Variants in SERPINA10 observed in about 807,000 individuals in gnomAD.
The protein encoded by SERPINA10 is serpin family A member 10.
In SERPINA10, 24 loss-of-function variants were observed where a neutral mutation model predicts 28.0. That is an observed-to-expected ratio of 0.86 (90% CI 0.62 to 1.20). The LOEUF (loss-of-function observed/expected upper bound fraction) is 1.20, where lower values mean the gene tolerates loss of function less well. SERPINA10 is among the 50% of genes most tolerant of loss of function. The probability of loss-of-function intolerance (pLI) is 0.00; values close to 1 mark genes in which losing one functional copy is unlikely to be tolerated. For missense variants in SERPINA10, 521 were observed against 537.7 expected (o/e 0.97, Z 0.31); for synonymous variants, 207 against 203.9 (o/e 1.02, Z -0.13).
Position 94,281,094 on chromosome 14 carries a change from A to G in SERPINA10, c.*2871T>C, listed in dbSNP as rs557062441. On this transcript the variant is annotated 3_prime_UTR_variant, in exon 5 of 5. Coordinates refer to ENST00000261994, the MANE Select transcript of SERPINA10 (RefSeq NM_001100607.3). Reference sequence around the variant, plus strand: ...CCTGTTCTCAGTTGTTACAGCATATATATGTGAGAACGTGTGGTTGAGTGT... The same window carrying G: ...CCTGTTCTCAGTTGTTACAGCATATGTATGTGAGAACGTGTGGTTGAGTGT... 6.6e-6 allele frequency: 1 copy of G among 152,322 alleles called. No homozygotes were observed. The highest frequency in any genetic ancestry group is 1.9e-4 in the East Asian group (1 of 5,182). The allele number at this position is 152,322 out of a possible 1,614,324, so 9.4% of individuals were successfully genotyped here. A position where few individuals can be genotyped will look rare whatever the true frequency, so the allele number is the denominator to read the frequency against.
intron 4 of SERPINA10, 66 bp from the exon 5 acceptor site, chr14:94,284,222 C>T: frequency 4.2e-6 from 6 of 1,413,406 alleles, no homozygotes; most frequent in Non-Finnish European, 5.9e-6. Flanking sequence ...TAAATGAGCC[C>T]CTTGAAATTC....
At position 94,290,541 on chromosome 14, in the gene SERPINA10, A is replaced by C; in HGVS notation, c.53T>G (p.Leu18Arg). The C allele has an allele frequency of 6.2e-7, 1 of 1,613,608 alleles. No homozygotes were observed. Among genetic ancestry groups the C allele is most frequent in the Non-Finnish European group, 8.5e-7 (1 of 1,179,846 alleles). Residue 18 changes from leucine (L) to arginine (R), a missense_variant, in exon 2 of 5, where the codon CTG becomes CGG. Coordinates refer to ENST00000261994, the MANE Select transcript of SERPINA10 (RefSeq NM_001100607.3). ...AGGACTGGGGGCCAAGCCGGGTACC[A>C]GCCACACCTGTGCCAGGAGGACGGA... is the stretch of plus-strand genomic sequence containing the variant. Reference protein sequence around the residue: ...LLSVLLAQVWLVPGLAPSPQS... With the variant: ...LLSVLLAQVWRVPGLAPSPQS...
chr14:94,286,238 G>A lies in SERPINA10; in HGVS notation c.1013C>T (p.Pro338Leu), dbSNP rs779659797. The change falls in exon 4 of 5, where the codon CCG becomes CTG. Residue 338 changes from proline (P) to leucine (L), a missense_variant. Pro to Leu is a moderately conservative substitution (Grantham distance 98, BLOSUM62 -3). Coordinates refer to ENST00000261994, the MANE Select transcript of SERPINA10 (RefSeq NM_001100607.3). Reference sequence around the variant, plus strand: ...ATACTTCTGATCTAGCTTGAACTTCGGAAAGAAAACTTCCATGTTTCTGTG... The same window carrying A: ...ATACTTCTGATCTAGCTTGAACTTCAGAAAGAAAACTTCCATGTTTCTGTG... ...MKTRNMEVFF[P>L]KFKLDQKYEM... 39 of 1,613,792 alleles carry A rather than the reference G, an allele frequency of 2.4e-5. No homozygotes were observed. The highest frequency in any genetic ancestry group is 2.8e-5 in the Non-Finnish European group (33 of 1,180,010).
intron 3 of SERPINA10, 96 bp from the exon 4 acceptor site, chr14:94,286,354 A>G (rs1481573005): frequency 5.2e-6 from 7 of 1,339,854 alleles, no homozygotes; most frequent in Non-Finnish European, 7.4e-6. Flanking sequence ...GATTATTTCC[A>G]TTAATGAGTC....
At chr14:94,285,953 A>C (rs1178713757) in intron 4 of SERPINA10, among the ~76,000 whole-genome samples, 155 bp downstream of exon 4, 1 of 152,198 alleles carries the variant, frequency 6.6e-6, no homozygotes, top group East Asian at 1.9e-4. Flanking sequence ...AAATTCTTAA[A>C]ACATCCAACC....
rs1324518779 is a variant in SERPINA10, at chr14:94,282,295, T to C, written c.*1670A>G. The C allele has an allele frequency of 6.6e-6, 1 of 152,076 alleles. No individual in the cohort carries two copies. Among genetic ancestry groups the C allele is most frequent in the Non-Finnish European group, 1.5e-5 (1 of 67,996 alleles). 9.4% of individuals were successfully genotyped at this position (152,076 alleles called of 1,614,324 possible). A position where few individuals can be genotyped will look rare whatever the true frequency, so the allele number is the denominator to read the frequency against. On this transcript the variant is annotated 3_prime_UTR_variant, in exon 5 of 5. Coordinates refer to ENST00000261994, the MANE Select transcript of SERPINA10 (RefSeq NM_001100607.3). The stretch of plus-strand genomic sequence containing the variant: ...ACATTAGATAGCAGACAGACAGAAA[T>C]CCAATTAGGCATTTAGTTAACATAG...
Position 94,290,563 on chromosome 14 carries a change from C to T in SERPINA10, c.31G>A (p.Val11Ile), listed in dbSNP as rs759069270. 33 of 1,613,494 alleles carry T rather than the reference C, an allele frequency of 2.0e-5. No homozygotes were observed. Among genetic ancestry groups the T allele is most frequent in the East Asian group, 8.9e-5 (4 of 44,874 alleles). Residue 11 changes from valine to isoleucine, a missense_variant, in exon 2 of 5, where the codon GTC becomes ATC. By Grantham distance (29) the Val-to-Ile change is conservative. Transcript: ENST00000261994. ...ACCAGCCACACCTGTGCCAGGAGGA[C>T]GGAGAGCAGGAGACTTGGCACCACC... MKVVPSLLLS[V>I]LLAQVWLVPG...
Position 94,288,497 on chromosome 14 carries a change from A to T in SERPINA10, c.781T>A (p.Tyr261Asn). 1 of 1,614,164 alleles carries T rather than the reference A, an allele frequency of 6.2e-7. No individual in the cohort carries two copies. The highest frequency in any genetic ancestry group is 1.7e-5 in the Admixed American group (1 of 60,024). The change falls in exon 3 of 5, where the codon TAC becomes AAC. Residue 261 changes from tyrosine to asparagine, a missense_variant. Tyr to Asn is a moderately radical substitution (Grantham distance 143). Transcript: ENST00000261994. ...TEVDTFHLDKYKTIKVPMMYG... is the reference protein window; with the variant it reads ...TEVDTFHLDKNKTIKVPMMYG... ...ATCATGGGCACCTTAATGGTCTTGT[A>T]CTTGTCCAGGTGGAAAGTGTCGACT...
At chr14:94,284,525 A>T (rs1894975152) in intron 4 of SERPINA10, among the ~76,000 whole-genome samples, 1 of 152,130 alleles carries the variant, frequency 6.6e-6, no homozygotes, top group African/African-American at 2.4e-5. Flanking sequence ...GGATCCCTTG[A>T]TCCCTGGATC....
intron 1 of SERPINA10, chr14:94,292,763 A>T: frequency 1.4e-6 from 1 of 692,884 alleles, no homozygotes; most frequent in South Asian, 1.5e-5. Context: ...GTGCTCCTGG[A>T]CTAGGACACC....
rs1027078785 is a variant in SERPINA10 at position 94,283,693 on chromosome 14, A to G, written c.*272T>C. On this transcript the variant is annotated 3_prime_UTR_variant, in exon 5 of 5. Transcript: ENST00000261994. Reference sequence around the variant, plus strand: ...TATTGTTAATCTCTTACTGTGCCTAATTTATAAATTAAACTTTATCATAGG... The same window carrying G: ...TATTGTTAATCTCTTACTGTGCCTAGTTTATAAATTAAACTTTATCATAGG... 2.0e-6 allele frequency: 1 copy of G among 499,210 alleles called. No individual in the cohort carries two copies. The allele number at this position is 499,210 out of a possible 1,614,324, so 30.9% of individuals were successfully genotyped here.
At chr14:94,285,124 A>G (rs1894988184) in intron 4 of SERPINA10, among the ~76,000 whole-genome samples, 1 of 152,202 alleles carries the variant, frequency 6.6e-6, no homozygotes, top group Non-Finnish European at 1.5e-5. Flanking sequence ...GCAATTGTAT[A>G]AGAAAATATT....
In SERPINA10 at chr14:94,288,467, C is replaced by T. The variant is rs2232708; in HGVS notation, c.811G>A (p.Gly271Ser). Residue 271 changes from glycine (G) to serine (S), a missense_variant, in exon 3 of 5, where the codon GGT becomes AGT. By Grantham distance (56) the Gly-to-Ser change is moderately conservative. Transcript: ENST00000261994. ...AAGGTGGAGGCAAACTTGCCTGCACCGTACATCATGGGCACCTTAATGGTC... is the reference window on the plus strand; with the variant it reads ...AAGGTGGAGGCAAACTTGCCTGCACTGTACATCATGGGCACCTTAATGGTC... ...YKTIKVPMMYGAGKFASTFDK... is the reference protein window; with the variant it reads ...YKTIKVPMMYSAGKFASTFDK... The T allele has an allele frequency of 0.011, 18,403 of 1,614,006 alleles. 448 individuals are homozygous for T. The highest frequency in any genetic ancestry group is 0.091 in the African/African-American group (6,822 of 74,950).
At position 94,290,675 on chromosome 14, in the gene SERPINA10, A is replaced by T. The variant is rs762032347; in HGVS notation, c.-50-32T>A. 7 of 1,573,898 alleles carry T rather than the reference A, an allele frequency of 4.4e-6. No homozygotes were observed. The South Asian group carries it at 5.8e-5, about 13-fold the overall frequency. On this transcript the variant is annotated intron_variant, in intron 1 of 4. Transcript: ENST00000261994. ...AGAGGAGAGGATAGAGATGGTTTTA[A>T]TGCCTCCTAAAATGTCTTTGTGGAT...
Position 94,289,921 on chromosome 14 carries a change from T to A in SERPINA10, c.673A>T (p.Asn225Tyr). 1 of 1,614,060 alleles carries A rather than the reference T, an allele frequency of 6.2e-7. No individual in the cohort carries two copies. The highest frequency in any genetic ancestry group is 8.5e-7 in the Non-Finnish European group (1 of 1,179,934). ...ACAAGAATTAATTTGGTTTCAGGAT[T>A]AATCTCATCAAACAGTTTGGGAATT... ...GKIPKLFDEI[N>Y]PETKLILVDY... The change falls in exon 2 of 5, where the codon AAT becomes TAT. Residue 225 changes from asparagine to tyrosine, a missense_variant. By Grantham distance (143) the Asn-to-Tyr change is moderately radical. Transcript: ENST00000261994.
intron 2 of SERPINA10, 138 bp downstream of exon 2, chr14:94,289,738 A>G (rs1595565880): frequency 2.1e-6 from 2 of 947,800 alleles, no homozygotes; most frequent in East Asian, 2.4e-5. Flanking sequence ...CAATATGTGT[A>G]TCAATCTGTT....
At chr14:94,291,087 T>G (rs1230349850) in intron 1 of SERPINA10, among the ~76,000 whole-genome samples, 1 of 152,198 alleles carries the variant, frequency 6.6e-6, no homozygotes, top group Non-Finnish European at 1.5e-5. Flanking sequence ...CCTTGCCCAG[T>G]GCCCTGTTTG....
At position 94,290,238 on chromosome 14, in the gene SERPINA10, G is replaced by A. The variant is rs370404211; in HGVS notation, c.356C>T (p.Pro119Leu). The change falls in exon 2 of 5, where the codon CCG (proline) becomes CTG (leucine). Residue 119 changes from proline (P) to leucine (L), a missense_variant. By Grantham distance (98) the Pro-to-Leu change is moderately conservative (BLOSUM62 -3). Coordinates refer to ENST00000261994, the MANE Select transcript of SERPINA10 (RefSeq NM_001100607.3). ...CCCTCTCTTGATCTGGGTTTCAGTCGGCCCTGTGGCCCCCAGCATCAAGCC... is the reference window on the plus strand; with the variant it reads ...CCCTCTCTTGATCTGGGTTTCAGTCAGCCCTGTGGCCCCCAGCATCAAGCC... ...MTGLMLGATGPTETQIKRGLH... is the reference protein window; with the variant it reads ...MTGLMLGATGLTETQIKRGLH... The A allele has an allele frequency of 4.1e-5, 66 of 1,613,936 alleles. No homozygotes were observed. Among genetic ancestry groups the A allele is most frequent in the South Asian group, 2.5e-4 (23 of 91,082 alleles).
intron 1 of SERPINA10, among the ~76,000 whole-genome samples, chr14:94,292,210 G>A (rs1264774811): frequency 6.6e-6 from 1 of 152,190 alleles, no homozygotes; most frequent in African/African-American, 2.4e-5. Flanking sequence ...TTTAGATGAG[G>A]TCGTGAGGGC....
Sources: allele counts gnomAD v4.1 joint callset (sites outside exome capture counted in the v4.1 genomes callset), GRCh38; gene constraint gnomAD v4.1.1; transcripts MANE v1.5; gene names NCBI Gene and HGNC (gene_info 2026-07-23, HGNC 2026-07-21).